Variants in RBFOX1 observed in about 807,000 individuals in gnomAD.
RBFOX1 encodes the protein RNA binding protein fox-1 homolog 1.
RBFOX1 carries 8 observed loss-of-function variants against 57.7 expected under a neutral mutation model. The observed-to-expected ratio is 0.14, with a 90% CI of 0.08 to 0.25. The LOEUF is 0.25. RBFOX1 is among the 10% of genes least tolerant of loss of function. The pLI is 1.00. For missense variants in RBFOX1, 611 were observed against 548.5 expected (o/e 1.11, Z -1.14); for synonymous variants, 326 against 222.4 (o/e 1.47, Z -4.15).
intron 1 of RBFOX1, among the ~76,000 whole-genome samples, chr16:5,411,247 T>A (rs2067014105): frequency 6.6e-6 from 1 of 152,212 alleles, no homozygotes; most frequent in African/African-American, 2.4e-5. Context: ...GCATGTATGA[T>A]TAAATTAAGG....
rs572579692 is a variant in RBFOX1, at chr16:7,121,760, G to T, written c.27+69662G>T. Among the ~76,000 whole-genome samples the T allele has an allele frequency of 1.1e-3, 172 of 151,862 alleles. 2 individuals are homozygous for T. The highest frequency in any genetic ancestry group is 2.1e-3 in the Non-Finnish European group (145 of 67,866). On this transcript the variant is annotated intron_variant, in intron 4 of 15. Coordinates refer to ENST00000550418, the MANE Select transcript of RBFOX1 (RefSeq NM_018723.4). ...TCCAAAATAAAGAAGAATAAAATTA[G>T]GTGAATATATCTAATTTATTTTATA... is the stretch of plus-strand genomic sequence containing the variant.
intron 2 of RBFOX1, among the ~76,000 whole-genome samples, chr16:5,512,259 A>C (rs1238425186): frequency 6.6e-6 from 1 of 152,206 alleles, no homozygotes; most frequent in Non-Finnish European, 1.5e-5. Flanking sequence ...TAGGAGGAGA[A>C]GAGACAAAAG....
At chr16:7,699,948 G>C (rs576440300) in intron 14 of RBFOX1, among the ~76,000 whole-genome samples, 1 of 152,116 alleles carries the variant, frequency 6.6e-6, no homozygotes, top group Non-Finnish European at 1.5e-5. Flanking sequence ...CAGATAATCT[G>C]GACATTGTCA....
At chr16:7,249,742 C>G (rs1389197031) in intron 4 of RBFOX1, among the ~76,000 whole-genome samples, 1 of 152,030 alleles carries the variant, frequency 6.6e-6, no homozygotes, top group South Asian at 2.1e-4. Context: ...CTCTGATTTT[C>G]CACCATAACA....
intron 3 of RBFOX1, among the ~76,000 whole-genome samples, chr16:6,725,252 C>T (rs919454194): frequency 5.3e-5 from 8 of 151,840 alleles, no homozygotes; most frequent in Non-Finnish European, 1.2e-4. Context: ...AGGGTTTCAC[C>T]GTGTTAGCCA....
At chr16:7,307,453 C>T (rs151254953) in intron 4 of RBFOX1, among the ~76,000 whole-genome samples, 5 of 152,144 alleles carry the variant, frequency 3.3e-5, no homozygotes, top group Non-Finnish European at 5.9e-5. Flanking sequence ...ACTTTTGCCA[C>T]GAATAATTTA....
intron 2 of RBFOX1, among the ~76,000 whole-genome samples, chr16:6,533,368 A>G (rs1425414869): frequency 2.6e-5 from 4 of 152,220 alleles, no homozygotes; most frequent in African/African-American, 9.6e-5. Context: ...TGAAGGTACC[A>G]TTAGGATCCC....
intron 3 of RBFOX1, among the ~76,000 whole-genome samples, chr16:6,912,867 G>A (rs1218526223): frequency 6.6e-6 from 1 of 151,946 alleles, no homozygotes; most frequent in Non-Finnish European, 1.5e-5. Flanking sequence ...TGATCCTCTT[G>A]CCTTGACCTC....
chr16:7,476,816 C>T (rs1056061392), intron 4 of RBFOX1, among the ~76,000 whole-genome samples: 1 of 152,192 alleles, frequency 6.6e-6, no homozygotes, highest in Non-Finnish European at 1.5e-5. Flanking sequence ...ATGTATGAGG[C>T]TGCATATAAA....
chr16:6,067,140 CATTGCTAAGTTCATGGTGCTTCTGTA>C (rs546512714), intron 1 of RBFOX1, among the ~76,000 whole-genome samples: 1 of 152,232 alleles, frequency 6.6e-6, no homozygotes, highest in East Asian at 1.9e-4. Flanking sequence ...AAATTTTGTG[CATTGCTAAGTTCATGGTGCTTCTGTA>C]AGAAGACATT....
intron 2 of RBFOX1, among the ~76,000 whole-genome samples, chr16:6,461,562 T>A (rs1196487527): frequency 6.6e-6 from 1 of 152,240 alleles, no homozygotes; most frequent in Non-Finnish European, 1.5e-5. Context: ...AACACTTGTG[T>A]GGCTGGATAA....
chr16:7,004,553 C>A (rs181525732), intron 3 of RBFOX1, among the ~76,000 whole-genome samples: 1 of 152,166 alleles, frequency 6.6e-6, no homozygotes, highest in African/African-American at 2.4e-5. Context: ...TGGACACGTC[C>A]TAGCTATGTA....
rs1344643562 is a variant in RBFOX1, at chr16:5,357,982, C to A, written c.220-109234C>A. Among the ~76,000 whole-genome samples the A allele has an allele frequency of 2.0e-5, 3 of 152,176 alleles. No homozygotes were observed. The East Asian group carries it at 5.8e-4, about 29-fold the overall frequency. The stretch of plus-strand genomic sequence containing the variant: ...GGACTTTATTAGTTTCCTAGAGCTG[C>A]TGTAGCAAAGTACCTCAGACTGGGT... On this transcript the variant is annotated intron_variant, in intron 1 of 2. Transcript: ENST00000585867.
intron 1 of RBFOX1, among the ~76,000 whole-genome samples, chr16:5,382,123 A>G (rs547869552): frequency 2.0e-5 from 3 of 152,296 alleles, no homozygotes; most frequent in East Asian, 1.9e-4. Context: ...TGTCCCTCCA[A>G]TGGGGCAGTC....
intron 1 of RBFOX1, among the ~76,000 whole-genome samples, chr16:6,286,983 G>T (rs1273818835): frequency 6.6e-6 from 1 of 152,112 alleles, no homozygotes; most frequent in Non-Finnish European, 1.5e-5. Flanking sequence ...AATCAAGAGT[G>T]AATTAGTTGG....
rs564037012 is a variant in RBFOX1 at position 5,947,295 on chromosome 16, A to G, written c.351+79960A>G. On this transcript the variant is annotated intron_variant, in intron 4 of 19. Coordinates refer to the RBFOX1 transcript ENST00000641259. This position sits in a 1 kb window ranked among gnomAD's most constrained non-coding sequence, Gnocchi z 7.2. ...AGGAGGAGGTGGCCAAGCTGAGGTC[A>G]GAGGGGGAGGTCAGATCGCCATCGA... Among the ~76,000 whole-genome samples, 131 of 152,308 alleles carry G rather than the reference A, an allele frequency of 8.6e-4. 1 individual carries two copies. The highest frequency in any genetic ancestry group is 3.4e-3 in the Middle Eastern group (1 of 294).
At chr16:5,458,108 C>G (rs1006961631) in intron 1 of RBFOX1, among the ~76,000 whole-genome samples, 5 of 152,116 alleles carry the variant, frequency 3.3e-5, no homozygotes, top group African/African-American at 1.2e-4. Context: ...TTTACTATTT[C>G]TATTTGCAAT....
chr16:7,031,663 A>G (rs2042830242), intron 3 of RBFOX1, among the ~76,000 whole-genome samples: 2 of 152,162 alleles, frequency 1.3e-5, no homozygotes, highest in African/African-American at 4.8e-5. Context: ...TGTGATGAAT[A>G]ATTTTGATGG....
At position 7,502,189 on chromosome 16, in the gene RBFOX1, G is replaced by C. The variant is rs369096403; in HGVS notation, c.28-15958G>C. On this transcript the variant is annotated intron_variant, in intron 4 of 15. Coordinates refer to ENST00000550418, the MANE Select transcript of RBFOX1 (RefSeq NM_018723.4). Reference sequence around the variant, plus strand: ...TATTTTATCGTCTTTGCCTGTTGCAGTAACCAGATTAGACATCTTTCTACA... The same window carrying C: ...TATTTTATCGTCTTTGCCTGTTGCACTAACCAGATTAGACATCTTTCTACA... 5.3e-5 allele frequency among the ~76,000 whole-genome samples: 8 copies of C among 152,154 alleles called. No individual in the cohort carries two copies. In the East Asian group the frequency reaches 1.4e-3, roughly 26 times the overall value.
Sources: gnomAD v4.1 joint callset for allele counts (sites outside exome capture counted in the v4.1 genomes callset) on GRCh38, gnomAD v4.1.1 for gene constraint, Gnocchi (gnomAD v3.1) non-coding constraint, MANE v1.5 for transcripts, NCBI Gene and HGNC (gene_info 2026-07-23, HGNC 2026-07-21) for gene names.